The following GRIP1 variants were observed in gnomAD, a reference collection of about 807,000 sequenced individuals.
GRIP1 encodes the protein glutamate receptor-interacting protein 1.
A neutral mutation model predicts 129.9 loss-of-function variants in GRIP1; 45 were observed. That is an observed-to-expected ratio of 0.35 (90% CI 0.27 to 0.44). The LOEUF is 0.44. GRIP1 is among the 20% of genes least tolerant of loss of function. The pLI, the probability that GRIP1 is intolerant of heterozygous loss-of-function variation, is 1.00. For synonymous variants in GRIP1, 530 were observed against 520.8 expected, an observed-to-expected ratio of 1.02 and a Z score of -0.24; for missense variants, 1,196 against 1,396.8, an observed-to-expected ratio of 0.86 and a Z score of 2.29.
chr12:66,568,018 AG>A (rs1296492610), intron 2 of GRIP1: 2 of 190,034 alleles, frequency 1.1e-5, no homozygotes, highest in Admixed American at 1.1e-4. Flanking sequence ...AATTTTGATT[AG>A]GTCCAGATAT....
intron 23 of GRIP1, among the ~76,000 whole-genome samples, chr12:66,361,216 C>T (rs142179127): frequency 1.8e-4 from 27 of 152,272 alleles, no homozygotes; most frequent in African/African-American, 5.3e-4. Flanking sequence ...GCAGCTGCTG[C>T]CTTCCTGTCT....
Position 66,379,327 on chromosome 12 carries a change from T to G in GRIP1, c.2574A>C (p.Pro858=), listed in dbSNP as rs1565681808. 3 of 1,613,974 alleles carry G rather than the reference T, an allele frequency of 1.9e-6. No individual in the cohort carries two copies. The South Asian group carries it at 3.3e-5, about 18-fold the overall frequency. ...PVTKPRSQTY[P]DVGLSYEDWD... is the part of the protein sequence containing the mutation. ...AGTCTTCATAACTCAGCCCCACATC[T>G]GGGTAAGTCTGGCTTCGAGGCTTAG... Residue 858 remains proline, a synonymous_variant, in exon 20 of 25, where the codon CCA becomes CCC. Transcript: ENST00000359742.
chr12:66,710,426 T>C lies in GRIP1; in HGVS notation c.-419-80090A>G, dbSNP rs573473747. ...TTATGGGAAACAAGCAGGTCAGCCATTGTGCTTCTTTCACATCTTGAAAAT... is the reference window on the plus strand; with the variant it reads ...TTATGGGAAACAAGCAGGTCAGCCACTGTGCTTCTTTCACATCTTGAAAAT... On this transcript the variant is annotated intron_variant, in intron 1 of 4. Coordinates refer to the GRIP1 transcript ENST00000538373. 2.6e-5 allele frequency among the ~76,000 whole-genome samples: 4 copies of C among 152,144 alleles called. No homozygotes were observed. In the South Asian group the frequency reaches 6.2e-4, roughly 24 times the overall value.
intron 1 of GRIP1, among the ~76,000 whole-genome samples, chr12:66,854,785 C>T (rs1470890550): frequency 1.3e-5 from 2 of 151,934 alleles, no homozygotes; most frequent in Non-Finnish European, 1.5e-5. Flanking sequence ...CATGGATGCT[C>T]TTATAAATTA....
chr12:66,520,691 GT>G (rs2060974706), intron 5 of GRIP1, among the ~76,000 whole-genome samples: 1 of 152,130 alleles, frequency 6.6e-6, no homozygotes, highest in South Asian at 2.1e-4. Context: ...TACATCATCA[GT>G]TGTCTTGAGG....
At chr12:66,509,309 C>T (rs979943524) in intron 7 of GRIP1, among the ~76,000 whole-genome samples, 2 of 152,154 alleles carry the variant, frequency 1.3e-5, no homozygotes, top group Non-Finnish European at 2.9e-5. Flanking sequence ...AAGGCGAGCA[C>T]TTTACATGTA....
chr12:66,959,639 G>C (rs2041893521), intron 1 of GRIP1, among the ~76,000 whole-genome samples: 1 of 151,966 alleles, frequency 6.6e-6, no homozygotes, highest in South Asian at 2.1e-4. Context: ...CCAGAAAACA[G>C]GCACCAAAAA....
chr12:66,835,468 A>G (rs897474448), intron 1 of GRIP1, among the ~76,000 whole-genome samples: 2 of 152,238 alleles, frequency 1.3e-5, no homozygotes, highest in African/African-American at 2.4e-5. Context: ...AAATGTTTAT[A>G]TCATTGCCAA....
intron 1 of GRIP1, among the ~76,000 whole-genome samples, chr12:66,712,393 G>C (rs1446006839): frequency 6.6e-6 from 1 of 151,864 alleles, no homozygotes; most frequent in African/African-American, 2.4e-5. Context: ...TAAATGACTT[G>C]TGGAGCCAGG....
Position 66,714,920 on chromosome 12 carries a change from C to CATCCAATCCA in GRIP1, c.-419-84594_-419-84585dup, listed in dbSNP as rs1555229372. Among the ~76,000 whole-genome samples the CATCCAATCCA allele has an allele frequency of 3.4e-3, 226 of 66,152 alleles. 1 individual carries two copies. Among genetic ancestry groups the CATCCAATCCA allele is most frequent in the African/African-American group, 0.012 (213 of 17,978 alleles). 43.4% of individuals were successfully genotyped at this position (66,152 alleles called of 152,430 possible). On this transcript the variant is annotated intron_variant, in intron 1 of 4. Transcript: ENST00000538373. ...CCATCCATCCATCCATCCATCCATC[C>CATCCAATCCA]ATCCAATCCAATCCAATCCAATCCA...
chr12:66,355,236 GCA>G (rs903594468), intron 23 of GRIP1, among the ~76,000 whole-genome samples: 13 of 152,174 alleles, frequency 8.5e-5, no homozygotes, highest in East Asian at 3.9e-4. Flanking sequence ...GTGTGTGTGT[GCA>G]CACACACTGG....
At chr12:66,602,349 T>C (rs115402268) in intron 1 of GRIP1, among the ~76,000 whole-genome samples, 3,212 of 151,900 alleles carry the variant, frequency 0.021, 116 homozygotes, top group African/African-American at 0.073. Flanking sequence ...TAATTATATC[T>C]TTCTCTTCTT....
chr12:66,793,619 G>A (rs1479843402), intron 1 of GRIP1, among the ~76,000 whole-genome samples: 1 of 152,018 alleles, frequency 6.6e-6, no homozygotes, highest in African/African-American at 2.4e-5. Flanking sequence ...TTCTCCTTTT[G>A]GAGCCGTGGA....
intron 1 of GRIP1, among the ~76,000 whole-genome samples, chr12:66,618,067 T>A (rs982933467): frequency 6.6e-6 from 1 of 152,188 alleles, no homozygotes; most frequent in Non-Finnish European, 1.5e-5. Flanking sequence ...ATATTCGTTA[T>A]AGCAATTTCA....
At chr12:66,472,710 G>A (rs1309381866) in intron 7 of GRIP1, among the ~76,000 whole-genome samples, 1 of 152,140 alleles carries the variant, frequency 6.6e-6, no homozygotes, top group African/African-American at 2.4e-5. Context: ...CCTCACCCAG[G>A]AAGCACAAGG....
intron 1 of GRIP1, among the ~76,000 whole-genome samples, chr12:66,832,274 T>C (rs754070745): frequency 6.6e-6 from 1 of 152,210 alleles, no homozygotes; most frequent in Non-Finnish European, 1.5e-5. Context: ...TCGATTCGAA[T>C]GTCAGACTTG....
chr12:66,455,641 A>T, intron 10 of GRIP1, 77 bp from the exon 11 acceptor site: 1 of 1,319,954 alleles, frequency 7.6e-7, no homozygotes, highest in East Asian at 2.3e-5. Flanking sequence ...ACCAGTAACA[A>T]TCCAGAAAGA....
rs1565666281 is a variant in GRIP1 at position 66,363,200 on chromosome 12, C to CTATATATATATATATATATATATATATAT, written c.3012+8493_3012+8494insATATATATATATATATATATATATATATA. Among the ~76,000 whole-genome samples, 57 of 88,234 alleles carry CTATATATATATATATATATATATATATAT rather than the reference C, an allele frequency of 6.5e-4. 5 individuals carry two copies. Among genetic ancestry groups the CTATATATATATATATATATATATATATAT allele is most frequent in the East Asian group, 2.0e-3 (6 of 3,006 alleles). 57.9% of individuals were successfully genotyped at this position (88,234 alleles called of 152,430 possible). A position where few individuals can be genotyped will look rare whatever the true frequency, so the allele number is the denominator to read the frequency against. ...ATATGTATATATGTGTGTGTGTGTC[C>CTATATATATATATATATATATATATATAT]ATATATATATATATATATATATATA... On this transcript the variant is annotated intron_variant, in intron 23 of 24. Transcript: ENST00000359742.
chr12:66,857,894 T>C (rs1187617084), intron 1 of GRIP1, among the ~76,000 whole-genome samples: 4 of 152,026 alleles, frequency 2.6e-5, no homozygotes, highest in Non-Finnish European at 4.4e-5. Flanking sequence ...GCAGAGATGA[T>C]GGAGTGTCTG....
Sources: gnomAD v4.1 joint callset for allele counts (sites outside exome capture counted in the v4.1 genomes callset) on GRCh38, gnomAD v4.1.1 for gene constraint, MANE v1.5 for transcripts, NCBI Gene and HGNC (gene_info 2026-07-23, HGNC 2026-07-21) for gene names.